The following TTC17 variants were observed in gnomAD, a reference collection of about 807,000 sequenced individuals.
The protein encoded by TTC17 is tetratricopeptide repeat domain 17.
TTC17 carries 58 observed loss-of-function variants against 143.8 expected under a neutral mutation model. The observed-to-expected ratio is 0.40, with a 90% CI of 0.33 to 0.50. The LOEUF (loss-of-function observed/expected upper bound fraction) is 0.50, where lower values mean the gene tolerates loss of function less well. Ranked by LOEUF, TTC17 falls within the 20% of genes least tolerant of loss-of-function variation. The pLI is 0.49. For synonymous variants in TTC17, 501 were observed against 497.8 expected (o/e 1.01, Z -0.09); for missense variants, 1,273 against 1,392.5 (o/e 0.91, Z 1.37).
At chr11:43,426,833 C>G (rs1020136526) in intron 16 of TTC17, among the ~76,000 whole-genome samples, 1 of 152,188 alleles carries the variant, frequency 6.6e-6, no homozygotes, top group African/African-American at 2.4e-5. Context: ...CTCAGCCTTG[C>G]TCTATATCCT....
At chr11:43,436,195 C>A in intron 16 of TTC17, 1 of 1,444,184 alleles carries the variant, frequency 6.9e-7, no homozygotes, top group Non-Finnish European at 9.1e-7. Context: ...TGGACAACAG[C>A]CATGACAAAC....
intron 21 of TTC17, among the ~76,000 whole-genome samples, chr11:43,476,245 A>G (rs1010938619): frequency 6.6e-6 from 1 of 152,234 alleles, no homozygotes; most frequent in African/African-American, 2.4e-5. Context: ...TGGGAAAGCA[A>G]GGAAGCTCGC....
At chr11:43,369,416 G>A (rs969612976) in intron 1 of TTC17, among the ~76,000 whole-genome samples, 1 of 152,074 alleles carries the variant, frequency 6.6e-6, no homozygotes, top group Non-Finnish European at 1.5e-5. Flanking sequence ...GGATACATTT[G>A]TACATTTCAG....
At chr11:43,487,748 A>G (rs1432722843) in intron 21 of TTC17, among the ~76,000 whole-genome samples, 1 of 152,144 alleles carries the variant, frequency 6.6e-6, no homozygotes, top group African/African-American at 2.4e-5. Context: ...GCAGAAATTT[A>G]TTTTATCACT....
At chr11:43,492,921 A>G (rs1259976828) in intron 23 of TTC17, among the ~76,000 whole-genome samples, 1 of 152,242 alleles carries the variant, frequency 6.6e-6, no homozygotes, top group Non-Finnish European at 1.5e-5. Context: ...ACATAGGGCT[A>G]GTCCCAAGAT....
chr11:43,359,166 T>TTACCCTGC, intron 1 of TTC17, 53 bp downstream of exon 1: 1 of 1,498,266 alleles, frequency 6.7e-7, no homozygotes, highest in East Asian at 2.8e-5. Flanking sequence ...CCCGGGGGGA[T>TTACCCTGC]TACCCTGCTT....
At chr11:43,418,879 T>C (rs1256562828) in intron 16 of TTC17, among the ~76,000 whole-genome samples, 1 of 152,214 alleles carries the variant, frequency 6.6e-6, no homozygotes, top group African/African-American at 2.4e-5. Flanking sequence ...GAAATACTAA[T>C]CTGCAAATTA....
intron 19 of TTC17, 165 bp from the exon 20 acceptor site, chr11:43,449,917 A>T: frequency 1.4e-6 from 1 of 739,748 alleles, no homozygotes; most frequent in Non-Finnish European, 2.1e-6. Flanking sequence ...GGAAGAAGAA[A>T]TCCTAGAAGA....
intron 16 of TTC17, among the ~76,000 whole-genome samples, chr11:43,430,409 CAG>C (rs1336640562): frequency 1.3e-5 from 2 of 152,068 alleles, no homozygotes; most frequent in Non-Finnish European, 2.9e-5. Flanking sequence ...GCCTGGGTGA[CAG>C]AGCAATTCTG....
chr11:43,430,252 A>T (rs1947122666), intron 16 of TTC17, among the ~76,000 whole-genome samples: 1 of 152,116 alleles, frequency 6.6e-6, no homozygotes, highest in South Asian at 2.1e-4. Flanking sequence ...ACATGCTGAA[A>T]CCCTGTCTCT....
Position 43,416,194 on chromosome 11 carries a change from G to A in TTC17, c.2251+1418G>A, listed in dbSNP as rs552672090. On this transcript the variant is annotated intron_variant, in intron 16 of 23. Coordinates refer to ENST00000039989, the MANE Select transcript of TTC17 (RefSeq NM_018259.6). Reference sequence around the variant, plus strand: ...TTGTTTGTTTGTTTTTAATTCTACTGCATCTTCTCGCAACACTGTGGTCTT... The same window carrying A: ...TTGTTTGTTTGTTTTTAATTCTACTACATCTTCTCGCAACACTGTGGTCTT... Among the ~76,000 whole-genome samples the A allele has an allele frequency of 4.6e-5, 7 of 152,046 alleles. No individual in the cohort carries two copies. The South Asian group carries it at 1.5e-3, about 32-fold the overall frequency.
chr11:43,387,497 T>C (rs1857212639), intron 2 of TTC17, among the ~76,000 whole-genome samples: 2 of 151,642 alleles, frequency 1.3e-5, no homozygotes, highest in South Asian at 4.2e-4. Flanking sequence ...GATCATAGGC[T>C]CTGTCCCCAT....
At chr11:43,407,829 A>C (rs1398532773) in intron 15 of TTC17, among the ~76,000 whole-genome samples, 2 of 152,092 alleles carry the variant, frequency 1.3e-5, no homozygotes, top group Non-Finnish European at 2.9e-5. Context: ...AATAAGAATA[A>C]CATAAGCTGT....
chr11:43,388,964 G>T (rs1189970190), intron 2 of TTC17, among the ~76,000 whole-genome samples: 1 of 149,204 alleles, frequency 6.7e-6, no homozygotes, highest in East Asian at 2.1e-4. Context: ...GACAAAGTGA[G>T]ACCCTGTCTC....
intron 21 of TTC17, among the ~76,000 whole-genome samples, chr11:43,485,680 G>C (rs1400664803): frequency 6.6e-6 from 1 of 152,064 alleles, no homozygotes; most frequent in African/African-American, 2.4e-5. Flanking sequence ...TATGTGTGAT[G>C]AATAAATATG....
At position 43,493,799 on chromosome 11, in the gene TTC17, G is replaced by A; in HGVS notation, c.3321G>A (p.Trp1107Ter). ...AAGAATTTGAAAAAGCACTGGTGTG[G>A]TATGAATCCACATTGAAGCTTCAGC... ...AMEEFEKALVWYESTLKLQPE... is the reference protein window; with the variant it reads ...AMEEFEKALV The change falls in exon 24 of 24, where the codon TGG becomes TGA. Residue 1107 changes from tryptophan (W) to a stop codon, truncating the protein, a stop_gained. Transcript: ENST00000039989. LOFTEE classifies it high-confidence loss of function. 6.2e-7 allele frequency: 1 copy of A among 1,614,046 alleles called. No homozygotes were observed. Among genetic ancestry groups the A allele is most frequent in the Non-Finnish European group, 8.5e-7 (1 of 1,179,966 alleles).
chr11:43,480,674 G>A (rs188513347), intron 21 of TTC17, among the ~76,000 whole-genome samples: 35 of 152,210 alleles, frequency 2.3e-4, no homozygotes, highest in African/African-American at 7.5e-4. Flanking sequence ...AAAGTAGAAC[G>A]TATATTTAAG....
chr11:43,438,001 C>A (rs914367343), intron 16 of TTC17, among the ~76,000 whole-genome samples: 1 of 152,234 alleles, frequency 6.6e-6, no homozygotes, highest in South Asian at 2.1e-4. Flanking sequence ...ATGATTTAAT[C>A]TAAGCCTTTT....
rs1390583719 is a variant in TTC17 at position 43,486,345 on chromosome 11, G to A, written c.3031-3894G>A. On this transcript the variant is annotated intron_variant, in intron 21 of 23. Coordinates refer to ENST00000039989, the MANE Select transcript of TTC17 (RefSeq NM_018259.6). ...ACGGGATGTGAATCATCGTGTAGAA[G>A]CTCCCTGCCTGTCATTATCAGATTG... 7.2e-6 allele frequency: 3 copies of A among 419,126 alleles called. No individual in the cohort carries two copies. The Admixed American group carries it at 7.3e-5, about 10-fold the overall frequency. The allele number at this position is 419,126 out of a possible 1,614,324, so 26.0% of individuals were successfully genotyped here.
Sources: gnomAD v4.1 joint callset for allele counts (sites outside exome capture counted in the v4.1 genomes callset) on GRCh38, gnomAD v4.1.1 for gene constraint, MANE v1.5 for transcripts, NCBI Gene and HGNC (gene_info 2026-07-23, HGNC 2026-07-21) for gene names.